DYNC2I1: variants seen among roughly 807,000 people sequenced by gnomAD.
DYNC2I1 encodes the protein dynein 2 intermediate chain 1.
In DYNC2I1, 89 loss-of-function variants were observed where a neutral mutation model predicts 133.4. The observed-to-expected ratio is 0.67, with a 90% CI of 0.56 to 0.80. DYNC2I1 has a LOEUF of 0.80. Among genes scored for constraint, DYNC2I1 ranks in the 30% least tolerant of loss-of-function variants. DYNC2I1 has a pLI of 0.00. For synonymous variants in DYNC2I1, 504 were observed against 484.3 expected (o/e 1.04, Z -0.54); for missense variants, 1,291 against 1,314.5 (o/e 0.98, Z 0.28).
At chr7:158,943,237 T>C (rs1262743150) in intron 24 of DYNC2I1, among the ~76,000 whole-genome samples, 1 of 152,234 alleles carries the variant, frequency 6.6e-6, no homozygotes, top group African/African-American at 2.4e-5. Context: ...AGACTGTGAT[T>C]TGCAGATAAC....
In DYNC2I1 at chr7:158,880,062, G is replaced by A. The variant is rs911789220; in HGVS notation, c.879+73G>A. Reference sequence around the variant, plus strand: ...CGCTTTCAGAGGAGGCTTACCGGGCGGTGTCGCCAGACAAGGTTGAGATTT... The same window carrying A: ...CGCTTTCAGAGGAGGCTTACCGGGCAGTGTCGCCAGACAAGGTTGAGATTT... On this transcript the variant is annotated intron_variant, in intron 5 of 24. Coordinates refer to ENST00000407559, the MANE Select transcript of DYNC2I1 (RefSeq NM_018051.5). 1.9e-4 allele frequency: 293 copies of A among 1,504,632 alleles called. 1 individual carries two copies. Among genetic ancestry groups the A allele is most frequent in the Middle Eastern group, 3.8e-4 (2 of 5,252 alleles). The allele number at this position is 1,504,632 out of a possible 1,614,324, so 93.2% of individuals were successfully genotyped here.
upstream of DYNC2I1, among the ~76,000 whole-genome samples, chr7:158,854,025 G>C (rs890605174): frequency 9.7e-6 from 1 of 102,780 alleles, no homozygotes; most frequent in Admixed American, 8.3e-5. Context: ...TTTAGTGGGT[G>C]GGGGGGCGTT....
the DYNC2I1 span, among the ~76,000 whole-genome samples, chr7:158,843,158 A>C: frequency 1.7e-3 from 257 of 152,080 alleles, 2 homozygotes; most frequent in African/African-American, 5.5e-3. Flanking sequence ...GCAGTGGCAC[A>C]ATCTCAGCTT....
intron 14 of DYNC2I1, among the ~76,000 whole-genome samples, chr7:158,918,059 G>A (rs1169787073): frequency 1.3e-5 from 2 of 151,416 alleles, no homozygotes; most frequent in Non-Finnish European, 1.5e-5. Context: ...CCTGCCTCCC[G>A]CCCTCCCATA....
the DYNC2I1 span, among the ~76,000 whole-genome samples, chr7:158,849,534 T>C: frequency 6.6e-6 from 1 of 152,194 alleles, no homozygotes; most frequent in Non-Finnish European, 1.5e-5. Context: ...ATGAGCGTTA[T>C]TGAGTGTTAC....
intron 12 of DYNC2I1, among the ~76,000 whole-genome samples, chr7:158,911,928 A>G (rs979257202): frequency 6.6e-6 from 1 of 152,218 alleles, no homozygotes; most frequent in African/African-American, 2.4e-5. Flanking sequence ...GAATGGGGAC[A>G]GAATGGCTGC....
At chr7:158,957,430 T>C (rs1049926164), downstream of DYNC2I1, among the ~76,000 whole-genome samples, 5 of 152,224 alleles carry the variant, frequency 3.3e-5, no homozygotes, top group Non-Finnish European at 5.9e-5. Context: ...ATTAGAAATA[T>C]AGACTTACAT....
the DYNC2I1 span, among the ~76,000 whole-genome samples, chr7:158,846,993 G>C: frequency 1.3e-5 from 2 of 152,316 alleles, no homozygotes; most frequent in Admixed American, 1.3e-4. Context: ...CTATGTGAAA[G>C]AGTTCTTATT....
chr7:158,901,663 A>G (rs1846273415), intron 8 of DYNC2I1, 76 bp from the exon 9 acceptor site: 2 of 916,680 alleles, frequency 2.2e-6, no homozygotes, highest in Non-Finnish European at 1.7e-6. Context: ...GAAAACATAT[A>G]TGTTTTCCCA....
At chr7:158,874,268 T>C (rs1584986954) in intron 3 of DYNC2I1, among the ~76,000 whole-genome samples, 1 of 149,942 alleles carries the variant, frequency 6.7e-6, no homozygotes, top group Admixed American at 6.7e-5. Context: ...AGTGCAGTGG[T>C]GTGATCTTGG....
At chr7:158,879,656 G>C (rs1414712005) in intron 4 of DYNC2I1, 28 bp from the exon 5 acceptor site, 1 of 1,543,266 alleles carries the variant, frequency 6.5e-7, no homozygotes, top group East Asian at 2.2e-5. Flanking sequence ...ATGTGCTCCT[G>C]TGTTTCTCAG....
At chr7:158,956,331 C>T (rs765472442) in intron 4 of DYNC2I1, among the ~76,000 whole-genome samples, 20 of 152,242 alleles carry the variant, frequency 1.3e-4, no homozygotes, top group Non-Finnish European at 2.2e-4. Context: ...CTGGGAGCAG[C>T]TGTCCTCCCT....
At chr7:158,847,544 A>G in the DYNC2I1 span, among the ~76,000 whole-genome samples, 3 of 152,220 alleles carry the variant, frequency 2.0e-5, no homozygotes, top group African/African-American at 7.2e-5. Flanking sequence ...TGAAGGTAAA[A>G]GCTACCAGTG....
At chr7:158,880,192 T>G (rs534091844) in intron 5 of DYNC2I1, among the ~76,000 whole-genome samples, 1 of 152,378 alleles carries the variant, frequency 6.6e-6, no homozygotes, top group East Asian at 1.9e-4. Flanking sequence ...TCACATATTT[T>G]GATTATATCG....
rs747320953 is a variant in DYNC2I1, at chr7:158,942,074, A to ATCTGGGACC, written c.2930_2931insTGGGACCTC (p.Ser977_Asn978insGlyThrSer). ...CCGTGTTCCTGGTGCAGGACGACAC[A>ATCTGGGACC]TCCAACATCTACATCTGGGACCTCC... On this transcript the variant is annotated inframe_insertion, in exon 24 of 25. Transcript: ENST00000407559. The ATCTGGGACC allele has an allele frequency of 6.2e-7, 1 of 1,611,014 alleles. No homozygotes were observed. Among genetic ancestry groups the ATCTGGGACC allele is most frequent in the South Asian group, 1.1e-5 (1 of 90,750 alleles).
downstream of DYNC2I1, among the ~76,000 whole-genome samples, chr7:158,957,432 G>A (rs1300333078): frequency 6.6e-6 from 1 of 152,178 alleles, no homozygotes; most frequent in Admixed American, 6.5e-5. Context: ...TAGAAATATA[G>A]ACTTACATTC....
chr7:158,906,226 C>T, intron 11 of DYNC2I1, 135 bp downstream of exon 11: 1 of 715,680 alleles, frequency 1.4e-6, no homozygotes, highest in Non-Finnish European at 2.3e-6. Flanking sequence ...ATTTGTACTA[C>T]ACTTTTGTGT....
chr7:158,915,089 A>ACGG, intron 14 of DYNC2I1, among the ~76,000 whole-genome samples: 1 of 128,726 alleles, frequency 7.8e-6, no homozygotes, highest in Non-Finnish European at 1.8e-5. Context: ...AAACCTCGAC[A>ACGG]TGCTGGTTGA....
intron 15 of DYNC2I1, among the ~76,000 whole-genome samples, chr7:158,920,495 G>A (rs114702365): frequency 6.4e-4 from 97 of 152,178 alleles, no homozygotes; most frequent in African/African-American, 2.1e-3. Context: ...AACACATGAA[G>A]TGTGTGTGTG....
Sources: gnomAD v4.1 joint callset for allele counts (sites outside exome capture counted in the v4.1 genomes callset) on GRCh38, gnomAD v4.1.1 for gene constraint, MANE v1.5 for transcripts, NCBI Gene and HGNC (gene_info 2026-07-23, HGNC 2026-07-21) for gene names.